The following ZMYM2 variants were observed in gnomAD, a reference collection of about 807,000 sequenced individuals.
ZMYM2 encodes zinc finger MYM-type containing 2, also known as zinc finger MYM-type protein 2.
Under a neutral mutation model 162.8 loss-of-function variants are expected in ZMYM2, and 56 were observed. The observed-to-expected ratio is 0.34, with a 90% CI of 0.28 to 0.43. ZMYM2 has a LOEUF of 0.43. ZMYM2 is among the 20% of genes least tolerant of loss of function. ZMYM2 has a pLI of 1.00. For missense variants in ZMYM2, 1,275 were observed against 1,621.8 expected, an observed-to-expected ratio of 0.79 and a Z score of 3.67; for synonymous variants, 510 against 541.6, an observed-to-expected ratio of 0.94 and a Z score of 0.81.
chr13:20,064,853 T>TA (rs1265729502), intron 19 of ZMYM2, among the ~76,000 whole-genome samples: 2 of 152,008 alleles, frequency 1.3e-5, no homozygotes, highest in African/African-American at 4.8e-5. Context: ...ATTTAGTTGA[T>TA]ACCTCAACTA....
At chr13:19,940,491 G>C in the ZMYM2 span, among the ~76,000 whole-genome samples, 10 of 152,060 alleles carry the variant, frequency 6.6e-5, no homozygotes, top group Admixed American at 5.9e-4. Flanking sequence ...CTTCTTTTCC[G>C]TTCTCTACTT....
the ZMYM2 span, among the ~76,000 whole-genome samples, chr13:19,929,758 G>A: frequency 1.3e-5 from 2 of 152,082 alleles, no homozygotes; most frequent in Admixed American, 1.3e-4. Context: ...ATAGAATGAT[G>A]GTTTGGAGCA....
intron 2 of ZMYM2, among the ~76,000 whole-genome samples, chr13:19,991,987 A>G (rs141301292): frequency 3.9e-5 from 6 of 152,202 alleles, no homozygotes; most frequent in African/African-American, 1.4e-4. Flanking sequence ...AGGTAATCCC[A>G]TATAATCTCA....
intron 15 of ZMYM2, chr13:20,058,930 A>T: frequency 1.5e-6 from 1 of 656,062 alleles, no homozygotes; most frequent in East Asian, 3.1e-5. Flanking sequence ...AATTATGTCA[A>T]AAGTGAAAAA....
chr13:20,024,714 G>C (rs1289281615), intron 7 of ZMYM2: 1 of 219,636 alleles, frequency 4.6e-6, no homozygotes, highest in Non-Finnish European at 9.1e-6. Context: ...AAAAAAAGCA[G>C]AGCATTCTCT....
chr13:19,980,487 C>T (rs1279096775), intron 2 of ZMYM2, among the ~76,000 whole-genome samples: 3 of 152,096 alleles, frequency 2.0e-5, no homozygotes, highest in East Asian at 3.9e-4. Flanking sequence ...CGTCATGGCT[C>T]ACGCTTACAA....
the ZMYM2 span, among the ~76,000 whole-genome samples, chr13:19,873,224 C>A: frequency 6.6e-6 from 1 of 151,922 alleles, no homozygotes; most frequent in African/African-American, 2.4e-5. Flanking sequence ...GACGATCCTC[C>A]TCCCCTGACC....
intron 21 of ZMYM2, among the ~76,000 whole-genome samples, chr13:20,080,188 A>G (rs1279401656): frequency 3.9e-5 from 6 of 152,222 alleles, no homozygotes; most frequent in African/African-American, 9.6e-5. Flanking sequence ...GAAACCTAGC[A>G]TTGTCACTTT....
At chr13:19,884,720 A>G in the ZMYM2 span, among the ~76,000 whole-genome samples, 107 of 152,234 alleles carry the variant, frequency 7.0e-4, 1 homozygote, top group African/African-American at 2.3e-3. Flanking sequence ...CTGGTCCAGA[A>G]AAAAAGACAC....
Position 20,088,892 on chromosome 13 carries a change from T to C in ZMYM2, c.*2878T>C, listed in dbSNP as rs1007971317. The C allele has an allele frequency of 2.5e-5, 5 of 196,848 alleles. No individual in the cohort carries two copies. Among genetic ancestry groups the C allele is most frequent in the Non-Finnish European group, 5.3e-5 (5 of 94,822 alleles). 12.2% of individuals were successfully genotyped at this position (196,848 alleles called of 1,614,324 possible). ...TTGCAAGTTTTGGTTTGCATTACTC[T>C]AATGTGGGTTCATTTAATCTGAGAT... On this transcript the variant is annotated 3_prime_UTR_variant, in exon 25 of 25. Transcript: ENST00000610343.
intron 6 of ZMYM2, among the ~76,000 whole-genome samples, chr13:20,011,382 A>G (rs143129494): frequency 1.3e-5 from 2 of 152,318 alleles, no homozygotes; most frequent in Non-Finnish European, 2.9e-5. Context: ...AAAATGCAAA[A>G]TGCTTCAATG....
At chr13:19,975,098 C>T (rs755480176) in intron 2 of ZMYM2, among the ~76,000 whole-genome samples, 12 of 149,928 alleles carry the variant, frequency 8.0e-5, no homozygotes, top group African/African-American at 2.0e-4. Context: ...CATTTTATTA[C>T]GATATGACAA....
Position 20,061,058 on chromosome 13 carries a change from A to C in ZMYM2, c.2745A>C (p.Pro915=), listed in dbSNP as rs777492436. The C allele has an allele frequency of 2.5e-6, 4 of 1,609,310 alleles. No homozygotes were observed. Among genetic ancestry groups the C allele is most frequent in the Non-Finnish European group, 1.7e-6 (2 of 1,177,652 alleles). The change falls in exon 17 of 25, where the codon CCA becomes CCC. Residue 915 remains proline, a synonymous_variant. Coordinates refer to ENST00000610343, the MANE Select transcript of ZMYM2 (RefSeq NM_197968.4). ...PVPTTVPVPV[P]VPVFLPAPLD... is the part of the protein sequence containing the mutation. ...AAAATGATTTGGTTAATTAGGTGCC[A>C]GTTCCTGTTTTTCTGCCTGCTCCAT...
the ZMYM2 span, among the ~76,000 whole-genome samples, chr13:19,952,229 G>C: frequency 6.6e-6 from 1 of 152,074 alleles, no homozygotes; most frequent in Non-Finnish European, 1.5e-5. Flanking sequence ...CAGGGGCTGG[G>C]GTGGTGGCAT....
chr13:19,909,884 G>A, the ZMYM2 span, among the ~76,000 whole-genome samples: 1 of 152,102 alleles, frequency 6.6e-6, no homozygotes, highest in African/African-American at 2.4e-5. Flanking sequence ...GAATGAATAT[G>A]AAGGGCCTGA....
intron 4 of ZMYM2, among the ~76,000 whole-genome samples, chr13:20,003,389 G>T (rs565430499): frequency 2.6e-5 from 4 of 152,270 alleles, no homozygotes; most frequent in Non-Finnish European, 5.9e-5. Flanking sequence ...TTAATGAGAA[G>T]AAATTAGTTC....
chr13:19,917,446 T>G, the ZMYM2 span, among the ~76,000 whole-genome samples: 1 of 151,496 alleles, frequency 6.6e-6, no homozygotes, highest in Admixed American at 6.6e-5. Context: ...AAAAATTAGC[T>G]GGGTGTGGTG....
intron 24 of ZMYM2, among the ~76,000 whole-genome samples, chr13:20,084,430 T>TA (rs1488426690): frequency 2.0e-5 from 3 of 152,176 alleles, no homozygotes; most frequent in African/African-American, 7.2e-5. Flanking sequence ...CTATTGTAAC[T>TA]AATCGGTTCT....
chr13:19,893,642 A>G, the ZMYM2 span, among the ~76,000 whole-genome samples: 1 of 151,812 alleles, frequency 6.6e-6, no homozygotes, highest in African/African-American at 2.4e-5. Flanking sequence ...TGGGAGGCTG[A>G]GGCAGGAGAA....
Sources: allele counts gnomAD v4.1 joint callset (sites outside exome capture counted in the v4.1 genomes callset), GRCh38; gene constraint gnomAD v4.1.1; transcripts MANE v1.5; gene names NCBI Gene and HGNC (gene_info 2026-07-23, HGNC 2026-07-21).